SMURF2: variants seen among roughly 807,000 people sequenced by gnomAD.
SMURF2 encodes E3 ubiquitin-protein ligase SMURF2.
A neutral mutation model predicts 109.6 loss-of-function variants in SMURF2; 48 were observed. The ratio of observed to expected loss-of-function variants is 0.44; its 90% CI spans 0.35 to 0.56. The LOEUF (loss-of-function observed/expected upper bound fraction) is 0.56. Ranked by LOEUF, SMURF2 falls within the 20% of genes least tolerant of loss-of-function variation. The pLI is 0.01. For missense variants in SMURF2, 575 were observed against 909.0 expected (o/e 0.63, Z 4.72); for synonymous variants, 288 against 317.1 (o/e 0.91, Z 0.97).
intron 1 of SMURF2, among the ~76,000 whole-genome samples, chr17:64,652,315 A>G (rs1970651362): frequency 6.6e-6 from 1 of 152,240 alleles, no homozygotes; most frequent in Non-Finnish European, 1.5e-5. Context: ...CAGCCGCTCC[A>G]AAGCACTACA....
At chr17:64,560,213 C>T (rs574014734) in intron 12 of SMURF2, among the ~76,000 whole-genome samples, 9 of 151,810 alleles carry the variant, frequency 5.9e-5, no homozygotes, top group Non-Finnish European at 1.2e-4. Flanking sequence ...AGTGAGACCC[C>T]GTCTCTAAAA....
At chr17:64,565,430 T>G (rs1490683136) in intron 10 of SMURF2, among the ~76,000 whole-genome samples, 1 of 152,186 alleles carries the variant, frequency 6.6e-6, no homozygotes, top group Non-Finnish European at 1.5e-5. Context: ...ATGATTTTCT[T>G]GAAATCAAGT....
chr17:64,582,452 T>C (rs1240549591), intron 7 of SMURF2, among the ~76,000 whole-genome samples: 1 of 152,204 alleles, frequency 6.6e-6, no homozygotes, highest in Non-Finnish European at 1.5e-5. Context: ...CAAAAGCACC[T>C]CTTTGCAGTT....
At chr17:64,621,972 AT>A (rs1970211220) in intron 1 of SMURF2, among the ~76,000 whole-genome samples, 2 of 144,970 alleles carry the variant, frequency 1.4e-5, no homozygotes, top group African/African-American at 2.5e-5. Context: ...AATAATAATA[AT>A]AATAATAATA....
chr17:64,568,108 C>A (rs1355141468), intron 10 of SMURF2, among the ~76,000 whole-genome samples: 1 of 152,086 alleles, frequency 6.6e-6, no homozygotes, highest in African/African-American at 2.4e-5. Flanking sequence ...CCCGCCTTGG[C>A]CTCCCAAAGT....
chr17:64,618,015 A>C (rs978036490), intron 1 of SMURF2, among the ~76,000 whole-genome samples: 1 of 152,250 alleles, frequency 6.6e-6, no homozygotes, highest in Non-Finnish European at 1.5e-5. Context: ...ATCTAGTCAG[A>C]ATTATAGATT....
intron 1 of SMURF2, among the ~76,000 whole-genome samples, chr17:64,657,185 T>G (rs990461692): frequency 1.3e-5 from 2 of 152,152 alleles, no homozygotes; most frequent in Non-Finnish European, 2.9e-5. Flanking sequence ...CTAGAAGAGC[T>G]TCTTAGAGTC....
rs557805757 is a variant in SMURF2, at chr17:64,580,032, G to A, written c.772+757C>T. 3.9e-5 allele frequency among the ~76,000 whole-genome samples: 6 copies of A among 152,328 alleles called. No homozygotes were observed. The South Asian group carries it at 1.0e-3, about 26-fold the overall frequency. ...TTCTTGAGTAAAATAAAACTTAGAT[G>A]TGGCAATTCCCAGTGTTGGTCATTA... On this transcript the variant is annotated intron_variant, in intron 8 of 18. Transcript: ENST00000262435.
At chr17:64,570,324 G>T (rs1233759761) in intron 10 of SMURF2, among the ~76,000 whole-genome samples, 8 of 152,202 alleles carry the variant, frequency 5.3e-5, no homozygotes, top group Non-Finnish European at 1.5e-5. Context: ...CATTCATTTA[G>T]AGAAGCTAAA....
intron 9 of SMURF2, 100 bp from the exon 10 acceptor site, chr17:64,572,056 T>C: frequency 1.9e-6 from 2 of 1,041,714 alleles, no homozygotes; most frequent in Non-Finnish European, 2.6e-6. Context: ...TGTGAGAAAA[T>C]GTATTGTTTC....
rs1568209981 is a variant in SMURF2, at chr17:64,648,077, A to AC, written c.52+13751_52+13752insG. The stretch of plus-strand genomic sequence containing the variant: ...ATCTCTTAAAAAAAAAAAAAAAAAA[A>AC]AAAAAAAAAAAAAAACAGGATCTCA... On this transcript the variant is annotated intron_variant, in intron 1 of 18. Coordinates refer to ENST00000262435, the MANE Select transcript of SMURF2 (RefSeq NM_022739.4). 6.5e-4 allele frequency among the ~76,000 whole-genome samples: 96 copies of AC among 148,790 alleles called. 1 individual carries two copies. The highest frequency in any genetic ancestry group is 2.3e-3 in the African/African-American group (93 of 40,806).
chr17:64,553,510 A>C (rs1555683793), intron 15 of SMURF2, among the ~76,000 whole-genome samples: 2 of 152,070 alleles, frequency 1.3e-5, no homozygotes, highest in Non-Finnish European at 1.5e-5. Flanking sequence ...ACCTCAAAAA[A>C]ACCCAAAAAA....
Position 64,651,563 on chromosome 17 carries a change from C to G in SMURF2, c.52+10266G>C, listed in dbSNP as rs9895993. ...TTCCAGCCTGGGCGACAGAGCAAGA[C>G]CCTACCTCAGAAAAAAAAAAAAAGA... On this transcript the variant is annotated intron_variant, in intron 1 of 18. Transcript: ENST00000262435. 5.6e-3 allele frequency among the ~76,000 whole-genome samples: 831 copies of G among 147,556 alleles called. 6 individuals are homozygous for G. The highest frequency in any genetic ancestry group is 0.02 in the African/African-American group (784 of 39,148).
intron 1 of SMURF2, among the ~76,000 whole-genome samples, chr17:64,630,516 G>A (rs1288560264): frequency 6.6e-6 from 1 of 152,106 alleles, no homozygotes; most frequent in Non-Finnish European, 1.5e-5. Context: ...ACCCAAACTG[G>A]CGCAACAGGT....
chr17:64,627,207 C>T (rs1442438864), intron 1 of SMURF2, among the ~76,000 whole-genome samples: 5 of 151,376 alleles, frequency 3.3e-5, no homozygotes, highest in Admixed American at 6.6e-5. Context: ...CTCCACCTCC[C>T]GGGTTCAAGT....
chr17:64,587,028 A>T (rs1473794670), intron 5 of SMURF2, among the ~76,000 whole-genome samples: 1 of 151,038 alleles, frequency 6.6e-6, no homozygotes, highest in Non-Finnish European at 1.5e-5. Flanking sequence ...CCGGGTGAGG[A>T]ACTATGGGCG....
chr17:64,573,535 G>A (rs1279205733), intron 9 of SMURF2, among the ~76,000 whole-genome samples: 1 of 151,908 alleles, frequency 6.6e-6, no homozygotes, highest in African/African-American at 2.4e-5. Context: ...CTAAAGTGTA[G>A]GAAAAAACAC....
At chr17:64,633,153 C>G (rs1231153059) in intron 1 of SMURF2, among the ~76,000 whole-genome samples, 3 of 152,088 alleles carry the variant, frequency 2.0e-5, no homozygotes, top group Non-Finnish European at 4.4e-5. Flanking sequence ...ACCTATAGTC[C>G]CAGCTACTTG....
chr17:64,590,172 T>C (rs1969730717), intron 5 of SMURF2, among the ~76,000 whole-genome samples: 1 of 144,952 alleles, frequency 6.9e-6, no homozygotes, highest in Admixed American at 7.1e-5. Flanking sequence ...GACAGGGTCT[T>C]GCTCTTGTCA....
Sources: gnomAD v4.1 joint callset for allele counts (sites outside exome capture counted in the v4.1 genomes callset) on GRCh38, gnomAD v4.1.1 for gene constraint, MANE v1.5 for transcripts, NCBI Gene and HGNC (gene_info 2026-07-23, HGNC 2026-07-21) for gene names.